The following NDE1 variants were observed in gnomAD, a reference collection of about 807,000 sequenced individuals.
NDE1 encodes nuclear distribution protein nudE homolog 1.
NDE1 carries 28 observed loss-of-function variants against 43.4 expected under a neutral mutation model. The observed-to-expected ratio is 0.65, with a 90% CI of 0.48 to 0.89. The LOEUF (loss-of-function observed/expected upper bound fraction) is 0.89, where lower values mean the gene tolerates loss of function less well. Among genes scored for constraint, NDE1 ranks in the 40% least tolerant of loss-of-function variants. The probability of loss-of-function intolerance (pLI) is 0.00; values close to 1 mark genes in which losing one functional copy is unlikely to be tolerated. For synonymous variants in NDE1, 184 were observed against 172.0 expected (o/e 1.07, Z -0.55); for missense variants, 441 against 434.1 (o/e 1.02, Z -0.14).
At chr16:15,699,900 GT>G in intron 8 of NDE1, 3 of 1,270,926 alleles carry the variant, frequency 2.4e-6, no homozygotes, top group Non-Finnish European at 3.1e-6. Context: ...CTAGGTTTTT[GT>G]TTTAAGTTAG....
intron 8 of NDE1, chr16:15,699,992 G>T: frequency 8.4e-7 from 1 of 1,190,682 alleles, no homozygotes; most frequent in Non-Finnish European, 1.1e-6. Flanking sequence ...TGTGCTCTGG[G>T]GTTTGTCCCT....
At chr16:15,678,949 G>T (rs985577175) in intron 4 of NDE1, among the ~76,000 whole-genome samples, 6 of 151,894 alleles carry the variant, frequency 4.0e-5, no homozygotes, top group Middle Eastern at 3.2e-3. Flanking sequence ...GGTGGCGGGT[G>T]CCTGTAGTCC....
intron 1 of NDE1, among the ~76,000 whole-genome samples, chr16:15,663,160 C>T (rs971237771): frequency 4.6e-5 from 7 of 152,158 alleles, no homozygotes; most frequent in Admixed American, 3.9e-4. Flanking sequence ...CTCCCTCTAG[C>T]TCCCCTACAA....
upstream of NDE1, among the ~76,000 whole-genome samples, chr16:15,647,821 A>G (rs1366772903): frequency 6.6e-6 from 1 of 152,002 alleles, no homozygotes; most frequent in East Asian, 1.9e-4. Flanking sequence ...ACTTGAGCCC[A>G]GGAGTTCAAG....
intron 8 of NDE1, chr16:15,718,086 G>T: frequency 1.5e-6 from 1 of 658,820 alleles, no homozygotes; most frequent in Non-Finnish European, 2.5e-6. Context: ...AGCCAGCCAC[G>T]CCGTGGCTGG....
chr16:15,724,581 G>A lies in NDE1; in HGVS notation c.*330G>A. 6.2e-7 allele frequency: 1 copy of A among 1,610,984 alleles called. No individual in the cohort carries two copies. The highest frequency in any genetic ancestry group is 8.5e-7 in the Non-Finnish European group (1 of 1,178,606). On this transcript the variant is annotated 3_prime_UTR_variant, in exon 9 of 9. Coordinates refer to ENST00000396354, the MANE Select transcript of NDE1 (RefSeq NM_017668.3). ...ACCAACACTCCACCGCGATCTGCCT[G>A]CGGGGGATCTCAGCGCAGAGAAGTT...
upstream of NDE1, chr16:15,650,225 C>A (rs939527688): frequency 2.8e-5 from 6 of 217,522 alleles, no homozygotes; most frequent in Non-Finnish European, 5.5e-5. Flanking sequence ...GTCCGGAGGG[C>A]CGGGGCCGCA....
At chr16:15,705,806 C>G (rs1266030534) in intron 8 of NDE1, among the ~76,000 whole-genome samples, 1 of 151,642 alleles carries the variant, frequency 6.6e-6, no homozygotes, top group African/African-American at 2.4e-5. Flanking sequence ...ATGGTGAAAC[C>G]GTGTCTCTAC....
chr16:15,660,141 A>G (rs970401188), intron 1 of NDE1, among the ~76,000 whole-genome samples: 6 of 152,140 alleles, frequency 3.9e-5, no homozygotes, highest in Admixed American at 2.6e-4. Flanking sequence ...AACAGCCTCT[A>G]TCAACAGGGA....
upstream of NDE1, among the ~76,000 whole-genome samples, chr16:15,647,139 C>T (rs913054904): frequency 1.3e-5 from 2 of 152,204 alleles, no homozygotes; most frequent in African/African-American, 4.8e-5. Flanking sequence ...TGGGAAGTTT[C>T]CTGAAAGACA....
At chr16:15,706,660 T>C (rs1215408082) in intron 8 of NDE1, among the ~76,000 whole-genome samples, 1 of 152,008 alleles carries the variant, frequency 6.6e-6, no homozygotes, top group Non-Finnish European at 1.5e-5. Context: ...TGAGCCAACG[T>C]TGTGCCACTG....
chr16:15,647,499 T>C (rs1443952832), upstream of NDE1, among the ~76,000 whole-genome samples: 1 of 149,848 alleles, frequency 6.7e-6, no homozygotes, highest in Non-Finnish European at 1.5e-5. Flanking sequence ...GTGGTTCAGT[T>C]GCATGGTCTC....
At chr16:15,700,106 GTTGTTT>G in intron 8 of NDE1, 1 of 1,128,752 alleles carries the variant, frequency 8.9e-7, no homozygotes, top group South Asian at 1.9e-5. Flanking sequence ...AGGCTACCGT[GTTGTTT>G]TTGAGATAGA....
chr16:15,716,260 T>C (rs1040374574), intron 8 of NDE1, among the ~76,000 whole-genome samples: 16 of 152,056 alleles, frequency 1.1e-4, no homozygotes, highest in African/African-American at 3.9e-4. Context: ...CCGATGAAAA[T>C]GTTCTCAAAA....
At chr16:15,659,732 C>T (rs969906854) in intron 1 of NDE1, among the ~76,000 whole-genome samples, 8 of 146,986 alleles carry the variant, frequency 5.4e-5, no homozygotes, top group African/African-American at 1.5e-4. Flanking sequence ...CCACTGCGCC[C>T]GGCCTTGGAC....
At chr16:15,687,285 G>GTGTC (rs756964219) in intron 4 of NDE1, 90 bp from the exon 5 acceptor site, 1 of 1,606,074 alleles carries the variant, frequency 6.2e-7, no homozygotes, top group Admixed American at 1.7e-5. Context: ...GTGCCCAGGT[G>GTGTC]TGTCTGACCC....
intron 3 of NDE1, among the ~76,000 whole-genome samples, 188 bp downstream of exon 3, chr16:15,667,627 G>GTTTTTTTTTTTT (rs1177615503): frequency 8.8e-6 from 1 of 113,144 alleles, no homozygotes; most frequent in Non-Finnish European, 1.7e-5. Flanking sequence ...GGTGCTTTTT[G>GTTTTTTTTTTTT]TTTTGTTTTT....
intron 8 of NDE1, chr16:15,717,857 T>TGCTTTCTCTGTCCTGGAGTC: frequency 3.8e-6 from 1 of 264,618 alleles, no homozygotes; most frequent in South Asian, 4.7e-5. Flanking sequence ...ACTTGTCCCT[T>TGCTTTCTCTGTCCTGGAGTC]GCTTTCTCTG....
At chr16:15,693,634 C>T (rs908204470) in intron 6 of NDE1, among the ~76,000 whole-genome samples, 1 of 151,672 alleles carries the variant, frequency 6.6e-6, no homozygotes, top group Non-Finnish European at 1.5e-5. Context: ...GACCCTGTCT[C>T]TATTAAAAAA....
Sources: allele counts gnomAD v4.1 joint callset (sites outside exome capture counted in the v4.1 genomes callset), GRCh38; gene constraint gnomAD v4.1.1; transcripts MANE v1.5; gene names NCBI Gene and HGNC (gene_info 2026-07-23, HGNC 2026-07-21).